The following RHOBTB2 variants were observed in gnomAD, a reference collection of about 807,000 sequenced individuals.
The protein encoded by RHOBTB2 is Rho related BTB domain containing 2, also known as rho-related BTB domain-containing protein 2.
RHOBTB2 carries 39 observed loss-of-function variants against 66.5 expected under a neutral mutation model. The observed-to-expected ratio is 0.59, with a 90% CI of 0.45 to 0.77. The LOEUF is 0.77. Among genes scored for constraint, RHOBTB2 ranks in the 30% least tolerant of loss-of-function variants. RHOBTB2 has a pLI of 0.00. For missense variants in RHOBTB2, 755 were observed against 999.1 expected, an observed-to-expected ratio of 0.76 and a Z score of 3.29; for synonymous variants, 390 against 395.0, an observed-to-expected ratio of 0.99 and a Z score of 0.15.
At chr8:23,005,900 C>G (rs1810933124) in intron 3 of RHOBTB2, 60 bp from the exon 4 acceptor site, 1 of 1,529,616 alleles carries the variant, frequency 6.5e-7, no homozygotes, top group South Asian at 1.2e-5. Flanking sequence ...GGCAGATGTT[C>G]CAGGACCAGG....
the RHOBTB2 span, among the ~76,000 whole-genome samples, chr8:22,962,218 AGAAAGAG>A: frequency 7.4e-6 from 1 of 135,038 alleles, no homozygotes; most frequent in African/African-American, 2.8e-5. Context: ...AAAAAAGGAA[AGAAAGAG>A]AAAGTAACCC....
chr8:23,016,604 G>T lies in RHOBTB2; in HGVS notation c.1967-648G>T, dbSNP rs1267254904. 2.0e-5 allele frequency among the ~76,000 whole-genome samples: 3 copies of T among 152,022 alleles called. No homozygotes were observed. In the East Asian group the frequency reaches 5.8e-4, roughly 29 times the overall value. ...TTTTTTGTATTTTAGTAGAGACGGG[G>T]TTTCACCACGTTGCCCAGGCTGGTC... On this transcript the variant is annotated intron_variant, in intron 9 of 9. Transcript: ENST00000251822.
chr8:22,970,836 G>A, the RHOBTB2 span, among the ~76,000 whole-genome samples: 27,505 of 151,912 alleles, frequency 0.18, 4,004 homozygotes, highest in African/African-American at 0.4. Flanking sequence ...ACACAACTCC[G>A]CAGATGGTTG....
At position 23,018,368 on chromosome 8, in the gene RHOBTB2, C is replaced by G. The variant is rs556454623; in HGVS notation, c.*899C>G. The G allele has an allele frequency of 1.3e-5, 2 of 152,862 alleles. No individual in the cohort carries two copies. Among genetic ancestry groups the G allele is most frequent in the Non-Finnish European group, 2.9e-5 (2 of 68,118 alleles). The allele number at this position is 152,862 out of a possible 1,614,324, so 9.5% of individuals were successfully genotyped here. ...GCAAAAAACAAAAACCAATGACAAC[C>G]AAACTGAAACCGAAACGAAAAATCA... On this transcript the variant is annotated 3_prime_UTR_variant, in exon 10 of 10. Transcript: ENST00000251822.
the RHOBTB2 span, among the ~76,000 whole-genome samples, chr8:22,969,940 T>C: frequency 6.6e-5 from 10 of 152,128 alleles, no homozygotes; most frequent in African/African-American, 2.4e-4. Context: ...TTTGTAGAGA[T>C]GGGGTTTCCA....
chr8:22,957,298 G>A, the RHOBTB2 span, among the ~76,000 whole-genome samples: 8 of 152,248 alleles, frequency 5.3e-5, no homozygotes, highest in South Asian at 2.1e-4. Context: ...ATCTTCCACT[G>A]TAAGCTCACT....
upstream of RHOBTB2, chr8:22,999,511 C>G: frequency 9.4e-7 from 1 of 1,064,048 alleles, no homozygotes; most frequent in Non-Finnish European, 1.1e-6. Context: ...CTCCCCGCCC[C>G]CCGAACGCTT....
chr8:22,993,937 CT>C (rs1351185806), intron 2 of RHOBTB2, among the ~76,000 whole-genome samples: 2 of 152,240 alleles, frequency 1.3e-5, no homozygotes, highest in Non-Finnish European at 2.9e-5. Flanking sequence ...ATTAGATTCT[CT>C]TTCTGTCTCT....
chr8:22,999,459 G>A (rs1464004613), upstream of RHOBTB2: 35 of 695,048 alleles, frequency 5.0e-5, no homozygotes, highest in Non-Finnish European at 6.4e-5. Flanking sequence ...TGCGAGGCGG[G>A]ATCTGCGGGG....
chr8:22,963,757 C>CT, the RHOBTB2 span, among the ~76,000 whole-genome samples: 5 of 151,726 alleles, frequency 3.3e-5, no homozygotes, highest in Admixed American at 2.0e-4. Context: ...CAGGGACACT[C>CT]TTATTTTATT....
upstream of RHOBTB2, among the ~76,000 whole-genome samples, chr8:22,997,646 G>A (rs1202065214): frequency 6.6e-6 from 1 of 152,184 alleles, no homozygotes; most frequent in East Asian, 1.9e-4. Context: ...ACCCTCTCCT[G>A]CTTCATGACT....
At chr8:23,003,153 G>A (rs1810836639) in intron 1 of RHOBTB2, among the ~76,000 whole-genome samples, 1 of 152,232 alleles carries the variant, frequency 6.6e-6, no homozygotes, top group Non-Finnish European at 1.5e-5. Context: ...AGGAATGTGA[G>A]TGGGGCGGGC....
the RHOBTB2 span, among the ~76,000 whole-genome samples, chr8:22,971,350 A>AT: frequency 4.7e-4 from 68 of 144,300 alleles, no homozygotes; most frequent in East Asian, 3.6e-3. Flanking sequence ...ACGCCCATCT[A>AT]TTTTTTTTTT....
At position 23,006,807 on chromosome 8, in the gene RHOBTB2, A is replaced by G; in HGVS notation, c.562A>G (p.Thr188Ala). The part of the protein sequence containing the change: ...AKELGIPYYE[T>A]SVVAQFGIKD... ...GGAGCTGGGCATCCCCTACTATGAG[A>G]CCAGCGTGGTGGCCCAGTTCGGCAT... is the stretch of plus-strand genomic sequence containing the variant. Residue 188 changes from threonine (T) to alanine (A), a missense_variant, in exon 5 of 10, where the codon ACC becomes GCC. Coordinates refer to ENST00000251822, the MANE Select transcript of RHOBTB2 (RefSeq NM_015178.3). This position sits in a 1 kb window ranked among gnomAD's most constrained non-coding sequence, Gnocchi z 6.1. 1 of 1,614,022 alleles carries G rather than the reference A, an allele frequency of 6.2e-7. No individual in the cohort carries two copies. The highest frequency in any genetic ancestry group is 8.5e-7 in the Non-Finnish European group (1 of 1,180,006).
At chr8:22,999,226 C>A (rs1046883910), upstream of RHOBTB2, 1 of 152,116 alleles carries the variant, frequency 6.6e-6, no homozygotes, top group Admixed American at 6.5e-5. Flanking sequence ...TACAACCACA[C>A]GTTCTCCTCC....
chr8:23,008,220 C>G, intron 6 of RHOBTB2, 109 bp downstream of exon 6: 1 of 756,186 alleles, frequency 1.3e-6, no homozygotes, highest in Non-Finnish European at 2.2e-6. Flanking sequence ...GTGCTAACCA[C>G]AGGGTGATGG....
the RHOBTB2 span, among the ~76,000 whole-genome samples, chr8:22,953,821 G>T: frequency 2.0e-5 from 3 of 152,286 alleles, no homozygotes; most frequent in Admixed American, 6.5e-5. Context: ...ATGTTGAAAA[G>T]CTTCCTGTAA....
chr8:23,001,870 C>T (rs187362282), intron 1 of RHOBTB2, among the ~76,000 whole-genome samples: 10 of 152,284 alleles, frequency 6.6e-5, no homozygotes, highest in Non-Finnish European at 1.2e-4. Flanking sequence ...GAAGGGGTTG[C>T]GCAACCCAGA....
At chr8:23,009,550 T>G (rs965674610) in intron 6 of RHOBTB2, among the ~76,000 whole-genome samples, 6 of 152,204 alleles carry the variant, frequency 3.9e-5, no homozygotes, top group African/African-American at 1.4e-4. Context: ...CTGTAACTGC[T>G]TCTGAGCGCA....
Sources: gnomAD v4.1 joint callset for allele counts (sites outside exome capture counted in the v4.1 genomes callset) on GRCh38, gnomAD v4.1.1 for gene constraint, Gnocchi (gnomAD v3.1) non-coding constraint, MANE v1.5 for transcripts, NCBI Gene and HGNC (gene_info 2026-07-23, HGNC 2026-07-21) for gene names.